GLI3: variants seen among roughly 807,000 people sequenced by gnomAD.
GLI3 encodes the protein GLI family zinc finger 3.
Under a neutral mutation model 100.8 loss-of-function variants are expected in GLI3, and 20 were observed. The observed-to-expected ratio is 0.20, with a 90% CI of 0.14 to 0.29. The LOEUF (loss-of-function observed/expected upper bound fraction) is 0.29, where lower values mean the gene tolerates loss of function less well. Among genes scored for constraint, GLI3 ranks in the 10% least tolerant of loss-of-function variants. The pLI, the probability that GLI3 is intolerant of heterozygous loss-of-function variation, is 1.00. For missense variants in GLI3, 2,040 were observed against 2,128.5 expected (o/e 0.96, Z 0.82); for synonymous variants, 938 against 860.5 (o/e 1.09, Z -1.58).
At chr7:42,175,675 G>T (rs1373180361) in intron 2 of GLI3, among the ~76,000 whole-genome samples, 3 of 144,452 alleles carry the variant, frequency 2.1e-5, no homozygotes, top group Non-Finnish European at 4.7e-5. Context: ...GGCTGAAAGT[G>T]AGTTTTAAAC....
chr7:42,048,068 G>A (rs1784281060), intron 5 of GLI3, among the ~76,000 whole-genome samples: 1 of 152,200 alleles, frequency 6.6e-6, no homozygotes, highest in African/African-American at 2.4e-5. Context: ...ACACAGAACA[G>A]AAAAGTGTTC....
At chr7:42,122,346 G>A (rs1786022808) in intron 3 of GLI3, among the ~76,000 whole-genome samples, 2 of 150,006 alleles carry the variant, frequency 1.3e-5, no homozygotes, top group Admixed American at 1.4e-4. Context: ...GAAGAACCAT[G>A]AGGTCTGTAG....
At chr7:42,142,401 A>G (rs866804940) in intron 3 of GLI3, among the ~76,000 whole-genome samples, 3 of 152,118 alleles carry the variant, frequency 2.0e-5, no homozygotes, top group South Asian at 2.1e-4. Context: ...TTCTCTAGAA[A>G]AATGCGGTCT....
At chr7:42,135,904 CT>C (rs1786417556) in intron 3 of GLI3, among the ~76,000 whole-genome samples, 1 of 152,172 alleles carries the variant, frequency 6.6e-6, no homozygotes, top group Admixed American at 6.5e-5. Flanking sequence ...TTCTCTCCCC[CT>C]GCCACATGTA....
chr7:41,964,363 C>T lies in GLI3; in HGVS notation c.4710G>A (p.Ala1570=), dbSNP rs577522844. 17 of 1,614,100 alleles carry T rather than the reference C, an allele frequency of 1.1e-5. No homozygotes were observed. The East Asian group carries it at 3.1e-4, about 30-fold the overall frequency. ...GDMSSLLTSL[A]EESKFLAVMQ is the part of the protein sequence containing the mutation. ...TAACTGCAAGGAATTTGCTTTCTTC[C>T]GCTAGGGAGGTCAGCAAAGAACTCA... The change falls in exon 15 of 15, where the codon GCG becomes GCA. Residue 1570 remains alanine, a synonymous_variant. Transcript: ENST00000395925.
chr7:42,121,450 C>T (rs1474160773), intron 3 of GLI3, among the ~76,000 whole-genome samples: 1 of 152,200 alleles, frequency 6.6e-6, no homozygotes, highest in Non-Finnish European at 1.5e-5. Context: ...CCTACTGCCC[C>T]TGCCCCCAAA....
intron 10 of GLI3, among the ~76,000 whole-genome samples, chr7:42,020,783 G>A (rs574823314): frequency 4.6e-5 from 7 of 151,922 alleles, no homozygotes; most frequent in Admixed American, 3.9e-4. Flanking sequence ...CCAGCTACTC[G>A]GGAGGCTGAG....
intron 2 of GLI3, among the ~76,000 whole-genome samples, chr7:42,192,064 A>G (rs575733287): frequency 7.2e-5 from 11 of 152,196 alleles, no homozygotes; most frequent in South Asian, 2.1e-4. Context: ...ATTTGAACAG[A>G]GACATGTCAT....
intron 3 of GLI3, among the ~76,000 whole-genome samples, chr7:42,141,601 G>A (rs1471824830): frequency 6.6e-6 from 1 of 152,144 alleles, no homozygotes. Context: ...GAACCTGGGA[G>A]GCGGAGGTTG....
intron 10 of GLI3, among the ~76,000 whole-genome samples, chr7:42,008,145 A>G (rs978860393): frequency 1.3e-5 from 2 of 152,224 alleles, no homozygotes; most frequent in African/African-American, 4.8e-5. Flanking sequence ...TATTACCTCT[A>G]TAATACCCCA....
At chr7:42,067,472 C>G (rs111489093) in intron 4 of GLI3, among the ~76,000 whole-genome samples, 3,078 of 152,278 alleles carry the variant, frequency 0.02, 86 homozygotes, top group African/African-American at 0.071. Context: ...TCCCCACTCC[C>G]CATCAGATGA....
intron 2 of GLI3, among the ~76,000 whole-genome samples, chr7:42,189,907 G>C (rs1166893369): frequency 6.6e-6 from 1 of 151,606 alleles, no homozygotes; most frequent in Non-Finnish European, 1.5e-5. Context: ...TACCAAGATA[G>C]ATTCGGATAT....
chr7:41,988,193 G>A (rs948634191), intron 10 of GLI3, among the ~76,000 whole-genome samples: 1 of 152,152 alleles, frequency 6.6e-6, no homozygotes, highest in Non-Finnish European at 1.5e-5. Context: ...CAGGCACGGT[G>A]GCTCACGCCT....
At chr7:42,151,986 A>C (rs967771932) in intron 2 of GLI3, 4 of 152,184 alleles carry the variant, frequency 2.6e-5, no homozygotes, top group African/African-American at 9.7e-5. Flanking sequence ...TGCTGCATGA[A>C]GCAGGACTCG....
chr7:42,259,649 T>A (rs1290063144), intron 1 of GLI3, among the ~76,000 whole-genome samples: 1 of 152,178 alleles, frequency 6.6e-6, no homozygotes, highest in East Asian at 1.9e-4. Flanking sequence ...AGAAAATTAT[T>A]TGTGACCCCT....
intron 8 of GLI3, 38 bp downstream of exon 8, chr7:42,026,161 G>A (rs1176548198): frequency 1.3e-6 from 2 of 1,493,912 alleles, no homozygotes; most frequent in Admixed American, 1.8e-5. Context: ...ACCCTCGGCT[G>A]ACCAGCACGG....
At chr7:42,045,253 A>C (rs1784222435) in intron 6 of GLI3, 131 bp downstream of exon 6, 9 of 896,868 alleles carry the variant, frequency 1.0e-5, no homozygotes, top group Non-Finnish European at 1.7e-5. Flanking sequence ...AGAGCACCAG[A>C]TAGTGGTGGT....
chr7:42,259,991 G>A (rs569398201), intron 1 of GLI3, among the ~76,000 whole-genome samples: 1 of 152,286 alleles, frequency 6.6e-6, no homozygotes, highest in East Asian at 1.9e-4. Flanking sequence ...CTGTAGTTTG[G>A]TTCTGTGTAT....
At chr7:41,975,425 GA>G (rs1428925132) in intron 12 of GLI3, among the ~76,000 whole-genome samples, 2 of 152,192 alleles carry the variant, frequency 1.3e-5, no homozygotes, top group Non-Finnish European at 2.9e-5. Context: ...TGATGCGTCT[GA>G]AAATGTCCAT....
Sources: allele counts gnomAD v4.1 joint callset (sites outside exome capture counted in the v4.1 genomes callset), GRCh38; gene constraint gnomAD v4.1.1; transcripts MANE v1.5; gene names NCBI Gene and HGNC (gene_info 2026-07-23, HGNC 2026-07-21).